CHRM3: variants seen among roughly 807,000 people sequenced by gnomAD.
CHRM3 encodes muscarinic acetylcholine receptor M3.
Under a neutral mutation model 41.8 loss-of-function variants are expected in CHRM3, and 11 were observed. That is an observed-to-expected ratio of 0.26 (90% CI 0.17 to 0.44). The LOEUF is 0.44. Among genes scored for constraint, CHRM3 ranks in the 20% least tolerant of loss-of-function variants. CHRM3 has a pLI of 1.00. For missense variants in CHRM3, 571 were observed against 745.4 expected, an observed-to-expected ratio of 0.77 and a Z score of 2.72; for synonymous variants, 297 against 301.4, an observed-to-expected ratio of 0.99 and a Z score of 0.15.
chr1:239,574,079 G>A (rs1382314865), intron 3 of CHRM3, among the ~76,000 whole-genome samples: 1 of 152,100 alleles, frequency 6.6e-6, no homozygotes, highest in Non-Finnish European at 1.5e-5. Context: ...TGGCAATTGA[G>A]GGTTAGTCTT....
chr1:239,702,501 C>G (rs1420664107), intron 5 of CHRM3, among the ~76,000 whole-genome samples: 1 of 152,172 alleles, frequency 6.6e-6, no homozygotes, highest in Non-Finnish European at 1.5e-5. Context: ...TGTCTTCTTC[C>G]CTTCCCAAAT....
At chr1:239,433,966 T>C (rs1663034804) in intron 1 of CHRM3, among the ~76,000 whole-genome samples, 1 of 152,206 alleles carries the variant, frequency 6.6e-6, no homozygotes. Flanking sequence ...TATTTTCCTC[T>C]GGGTAGATAC....
chr1:239,517,850 T>C (rs1398311757), intron 2 of CHRM3, among the ~76,000 whole-genome samples: 1 of 152,114 alleles, frequency 6.6e-6, no homozygotes, highest in Non-Finnish European at 1.5e-5. Flanking sequence ...TAAAGACAGT[T>C]TCTTCCCAGC....
intron 2 of CHRM3, among the ~76,000 whole-genome samples, chr1:239,514,542 A>G (rs1182294144): frequency 1.3e-5 from 2 of 151,782 alleles, no homozygotes. Flanking sequence ...TTCTACATAG[A>G]AAGTCATGCC....
intron 1 of CHRM3, among the ~76,000 whole-genome samples, chr1:239,465,226 A>T (rs965270125): frequency 6.6e-6 from 1 of 152,136 alleles, no homozygotes; most frequent in Admixed American, 6.5e-5. Context: ...GTTCACAGAG[A>T]GCTTATTCTC....
At chr1:239,521,223 A>G (rs969907766) in intron 2 of CHRM3, among the ~76,000 whole-genome samples, 5 of 152,212 alleles carry the variant, frequency 3.3e-5, no homozygotes, top group African/African-American at 9.6e-5. Flanking sequence ...GCAGTTGCCA[A>G]TATATAGACC....
At chr1:239,695,257 G>A (rs575644189) in intron 5 of CHRM3, among the ~76,000 whole-genome samples, 92 of 152,042 alleles carry the variant, frequency 6.1e-4, no homozygotes, top group African/African-American at 2.1e-3. Flanking sequence ...TGATCCACCC[G>A]CCTCCGCCTC....
chr1:239,756,937 T>C (rs1315104270), intron 5 of CHRM3, among the ~76,000 whole-genome samples: 1 of 152,202 alleles, frequency 6.6e-6, no homozygotes, highest in African/African-American at 2.4e-5. Flanking sequence ...GTGTATGCAA[T>C]TGTTTGAGTT....
At chr1:239,427,535 A>G (rs190077385) in intron 1 of CHRM3, among the ~76,000 whole-genome samples, 63 of 152,170 alleles carry the variant, frequency 4.1e-4, no homozygotes, top group African/African-American at 1.5e-3. Flanking sequence ...TCTTGCCACC[A>G]TCTTATTTTC....
intron 5 of CHRM3, among the ~76,000 whole-genome samples, chr1:239,681,792 G>C (rs1658593287): frequency 6.6e-6 from 1 of 152,074 alleles, no homozygotes; most frequent in Non-Finnish European, 1.5e-5. Context: ...CTAAATACTT[G>C]GGAGGCTGAG....
chr1:239,485,385 C>T (rs146675776), intron 1 of CHRM3, among the ~76,000 whole-genome samples: 1 of 152,122 alleles, frequency 6.6e-6, no homozygotes, highest in Non-Finnish European at 1.5e-5. Context: ...GCAGCCTCAG[C>T]TTTCTGGGCT....
chr1:239,760,589 TC>T (rs1440693127), intron 5 of CHRM3, among the ~76,000 whole-genome samples: 2 of 152,086 alleles, frequency 1.3e-5, no homozygotes, highest in Non-Finnish European at 2.9e-5. Flanking sequence ...GAGCTCCTCT[TC>T]TCTTTTTTTT....
At chr1:239,524,803 A>T (rs1046187595) in intron 2 of CHRM3, among the ~76,000 whole-genome samples, 3 of 152,148 alleles carry the variant, frequency 2.0e-5, no homozygotes, top group African/African-American at 7.2e-5. Context: ...CCTTTTCAAG[A>T]AAGGTTCCAT....
At chr1:239,687,333 G>A (rs1234032482) in intron 5 of CHRM3, among the ~76,000 whole-genome samples, 1 of 152,034 alleles carries the variant, frequency 6.6e-6, no homozygotes, top group African/African-American at 2.4e-5. Flanking sequence ...TTATTCATTA[G>A]CATGCTTTAT....
At chr1:239,403,968 A>G (rs1348722606) in intron 1 of CHRM3, among the ~76,000 whole-genome samples, 2 of 88,330 alleles carry the variant, frequency 2.3e-5, no homozygotes, top group African/African-American at 4.9e-5. Flanking sequence ...AGGGAGGGAG[A>G]GGGAGGGGGA....
chr1:239,746,992 G>A (rs1438235936), intron 5 of CHRM3, among the ~76,000 whole-genome samples: 3 of 151,878 alleles, frequency 2.0e-5, no homozygotes, highest in African/African-American at 7.2e-5. Context: ...TCTTGACCTC[G>A]TGATCCGCCC....
At chr1:239,675,610 G>A (rs917369309) in intron 4 of CHRM3, among the ~76,000 whole-genome samples, 1 of 152,154 alleles carries the variant, frequency 6.6e-6, no homozygotes, top group East Asian at 1.9e-4. Context: ...AACTGTCTTT[G>A]AAAGCAATCA....
chr1:239,421,736 G>T (rs915204770), intron 1 of CHRM3, among the ~76,000 whole-genome samples: 2 of 152,078 alleles, frequency 1.3e-5, no homozygotes, highest in African/African-American at 4.8e-5. Flanking sequence ...TGAAGCTTAC[G>T]CTGTGGAATG....
At chr1:239,640,051 A>G (rs1670933141) in intron 4 of CHRM3, among the ~76,000 whole-genome samples, 1 of 152,110 alleles carries the variant, frequency 6.6e-6, no homozygotes, top group South Asian at 2.1e-4. Context: ...GTTTCTGTTT[A>G]TATGCTGGAT....
Sources: gnomAD v4.1 joint callset for allele counts (sites outside exome capture counted in the v4.1 genomes callset) on GRCh38, gnomAD v4.1.1 for gene constraint, MANE v1.5 for transcripts, NCBI Gene and HGNC (gene_info 2026-07-23, HGNC 2026-07-21) for gene names.